The following KLF13 variants were observed in gnomAD, a reference collection of about 807,000 sequenced individuals.
KLF13 encodes the protein KLF transcription factor 13, also known as Krueppel-like factor 13.
KLF13 carries 8 observed loss-of-function variants against 16.7 expected under a neutral mutation model. The ratio of observed to expected loss-of-function variants is 0.48; its 90% CI spans 0.28 to 0.87. The LOEUF (loss-of-function observed/expected upper bound fraction) is 0.87. Among genes scored for constraint, KLF13 ranks in the 40% least tolerant of loss-of-function variants. The pLI, the probability that KLF13 is intolerant of heterozygous loss-of-function variation, is 0.10. For synonymous variants in KLF13, 245 were observed against 208.4 expected (o/e 1.18, Z -1.51); for missense variants, 447 against 452.2 (o/e 0.99, Z 0.10).
At chr15:31,350,850 G>C (rs2039204885) in intron 1 of KLF13, among the ~76,000 whole-genome samples, 1 of 152,276 alleles carries the variant, frequency 6.6e-6, no homozygotes, top group African/African-American at 2.4e-5. Flanking sequence ...TGCAGGCCTG[G>C]CACTCTTCGC....
rs1323283535 is a variant in KLF13 at position 31,372,447 on chromosome 15, A to G, written c.*148A>G. Reference sequence around the variant, plus strand: ...CAGGTGTCAAAGTAAATTTGTTAAAAAAACAAAAAAAACACAAAAATTTCA... The same window carrying G: ...CAGGTGTCAAAGTAAATTTGTTAAAGAAACAAAAAAAACACAAAAATTTCA... On this transcript the variant is annotated 3_prime_UTR_variant, in exon 2 of 2. Coordinates refer to ENST00000307145, the MANE Select transcript of KLF13 (RefSeq NM_015995.4). 1 of 881,704 alleles carries G rather than the reference A, an allele frequency of 1.1e-6. No homozygotes were observed. The highest frequency in any genetic ancestry group is 3.5e-5 in the Admixed American group (1 of 28,248). 54.6% of individuals were successfully genotyped at this position (881,704 alleles called of 1,614,324 possible).
In KLF13 at chr15:31,423,139, G is replaced by GTATATATACGTATA. The variant is rs1491468052; in HGVS notation, n.118-12227_118-12226insTATACGTATATATA. Among the ~76,000 whole-genome samples, 49 of 15,158 alleles carry GTATATATACGTATA rather than the reference G, an allele frequency of 3.2e-3. 4 individuals carry two copies. The highest frequency in any genetic ancestry group is 6.4e-3 in the African/African-American group (7 of 1,102). The allele number at this position is 15,158 out of a possible 152,430, so 9.9% of individuals were successfully genotyped here. A position where few individuals can be genotyped will look rare whatever the true frequency, so the allele number is the denominator to read the frequency against. ...TATATATACGTATATATACGTATAC[G>GTATATATACGTATA]TATACGTATATATACGTATATATAT... On this transcript the variant is annotated intron_variant and non_coding_transcript_variant, in intron 1 of 1. Coordinates refer to the KLF13 transcript ENST00000558225.
chr15:31,423,095 ATATACG>A lies in KLF13; in HGVS notation n.118-12258_118-12253del, dbSNP rs1346095011. ...ATAACAATTACATATATATACGTATATATACGTATACGTATACGTATATATACGTAT... is the reference window on the plus strand; with the variant it reads ...ATAACAATTACATATATATACGTATATATACGTATACGTATATATACGTAT... On this transcript the variant is annotated intron_variant and non_coding_transcript_variant, in intron 1 of 1. Coordinates refer to the KLF13 transcript ENST00000558225. 5.7e-5 allele frequency among the ~76,000 whole-genome samples: 8 copies of A among 139,410 alleles called. 2 individuals carry two copies. Among genetic ancestry groups the A allele is most frequent in the Admixed American group, 1.4e-4 (2 of 13,846 alleles). 91.5% of individuals were successfully genotyped at this position (139,410 alleles called of 152,430 possible). A position where few individuals can be genotyped will look rare whatever the true frequency, so the allele number is the denominator to read the frequency against.
chr15:31,369,001 CTTGAT>C (rs1383164444), intron 1 of KLF13, among the ~76,000 whole-genome samples: 22 of 152,222 alleles, frequency 1.4e-4, no homozygotes, highest in South Asian at 6.2e-4. Context: ...ACTGCTGTTT[CTTGAT>C]TTATCAAATT....
Position 31,327,118 on chromosome 15 carries a change from G to T in KLF13, c.-95G>T. ...CCAGCCCGAGGAGAGGGCGCGCCGCGCCCCCGCCCCCCGCCCGCTCTCCCG... is the reference window on the plus strand; with the variant it reads ...CCAGCCCGAGGAGAGGGCGCGCCGCTCCCCCGCCCCCCGCCCGCTCTCCCG... On this transcript the variant is annotated 5_prime_UTR_variant, in exon 1 of 2. Transcript: ENST00000307145. 1 of 675,644 alleles carries T rather than the reference G, an allele frequency of 1.5e-6. No individual in the cohort carries two copies. Among genetic ancestry groups the T allele is most frequent in the Non-Finnish European group, 1.9e-6 (1 of 535,836 alleles). 41.9% of individuals were successfully genotyped at this position (675,644 alleles called of 1,614,324 possible). A position where few individuals can be genotyped will look rare whatever the true frequency, so the allele number is the denominator to read the frequency against.
At chr15:31,360,944 C>T (rs898928584) in intron 1 of KLF13, among the ~76,000 whole-genome samples, 5 of 152,148 alleles carry the variant, frequency 3.3e-5, no homozygotes, top group East Asian at 1.9e-4. Flanking sequence ...AGGAGCCTGC[C>T]GAGGCTCCTC....
chr15:31,367,934 A>G (rs1458389905), intron 1 of KLF13, among the ~76,000 whole-genome samples: 1 of 152,184 alleles, frequency 6.6e-6, no homozygotes, highest in Non-Finnish European at 1.5e-5. Context: ...CCAGAAATCA[A>G]GGTGTTGGCA....
At chr15:31,421,255 A>T (rs1320666181) in intron 1 of KLF13, among the ~76,000 whole-genome samples, 5 of 152,228 alleles carry the variant, frequency 3.3e-5, no homozygotes, top group Non-Finnish European at 7.3e-5. Flanking sequence ...TACCTTACAA[A>T]AAAATGCTAA....
chr15:31,350,593 C>A (rs2039201219), intron 1 of KLF13, among the ~76,000 whole-genome samples: 2 of 152,252 alleles, frequency 1.3e-5, no homozygotes, highest in South Asian at 4.1e-4. Flanking sequence ...CCTGTTCCAT[C>A]CACTGGGTAT....
intron 1 of KLF13, among the ~76,000 whole-genome samples, chr15:31,359,799 C>G (rs1007469237): frequency 1.3e-5 from 2 of 152,224 alleles, no homozygotes; most frequent in Non-Finnish European, 2.9e-5. Flanking sequence ...GAAGAACATT[C>G]GAGAGAGACA....
rs558526633 is a variant in KLF13 at position 31,346,254 on chromosome 15, G to A, written c.577+18465G>A. Among the ~76,000 whole-genome samples the A allele has an allele frequency of 6.6e-5, 10 of 152,234 alleles. No homozygotes were observed. In the South Asian group the frequency reaches 1.7e-3, roughly 25 times the overall value. On this transcript the variant is annotated intron_variant, in intron 1 of 1. Transcript: ENST00000307145. The stretch of plus-strand genomic sequence containing the variant: ...TCTGAAACTCACAGCCTTCTCCCCC[G>A]ACCTCCTGTCCTCTGCTTTTCTCTG...
At chr15:31,393,757 A>G (rs1204585981) in intron 2 of KLF13, 2 of 152,278 alleles carry the variant, frequency 1.3e-5, no homozygotes, top group Non-Finnish European at 2.9e-5. Flanking sequence ...CATCGTTCTG[A>G]GTGCTGGACC....
At chr15:31,337,517 G>C (rs1021658216) in intron 1 of KLF13, among the ~76,000 whole-genome samples, 9 of 152,166 alleles carry the variant, frequency 5.9e-5, no homozygotes, top group African/African-American at 2.2e-4. Flanking sequence ...GTTCTGAGAA[G>C]TGTGTTGTTA....
intron 1 of KLF13, among the ~76,000 whole-genome samples, chr15:31,348,387 G>A (rs543823709): frequency 2.6e-5 from 4 of 152,290 alleles, no homozygotes; most frequent in South Asian, 2.1e-4. Context: ...CACGCACGCC[G>A]CACCACATGC....
chr15:31,335,517 C>T (rs1201971689), intron 1 of KLF13, among the ~76,000 whole-genome samples: 1 of 151,332 alleles, frequency 6.6e-6, no homozygotes, highest in African/African-American at 2.4e-5. Context: ...CACAGCATGG[C>T]ACCGAGCACC....
chr15:31,406,677 A>G (rs564749316), downstream of KLF13, among the ~76,000 whole-genome samples: 71 of 152,364 alleles, frequency 4.7e-4, no homozygotes, highest in Admixed American at 4.1e-3. Context: ...AGGTGTCAGC[A>G]GGACTGCATT....
rs1225599097 is a variant in KLF13 at position 31,327,569 on chromosome 15, C to T, written c.357C>T (p.Ser119=). The part of the protein sequence containing the change: ...GAEGAAAAPP[S]PAWSEPEPEA... ...AAGGCGCGGCGGCCGCGCCCCCCAG[C>T]CCGGCGTGGAGCGAGCCGGAGCCCG... The change falls in exon 1 of 2, where the codon AGC becomes AGT. Residue 119 remains serine, a synonymous_variant. Transcript: ENST00000307145. 6.1e-6 allele frequency: 7 copies of T among 1,152,912 alleles called. No individual in the cohort carries two copies. The highest frequency in any genetic ancestry group is 4.1e-5 in the East Asian group (1 of 24,284). The allele number at this position is 1,152,912 out of a possible 1,614,324, so 71.4% of individuals were successfully genotyped here.
intron 1 of KLF13, among the ~76,000 whole-genome samples, chr15:31,352,094 AAG>A (rs2039226022): frequency 6.6e-6 from 1 of 152,040 alleles, no homozygotes. Flanking sequence ...ACAACAAAAA[AAG>A]GGTTTTGCAG....
intron 1 of KLF13, among the ~76,000 whole-genome samples, chr15:31,425,058 A>T (rs1195083627): frequency 6.6e-6 from 1 of 152,172 alleles, no homozygotes; most frequent in African/African-American, 2.4e-5. Context: ...AAAATAATAT[A>T]CTCAGGAATA....
Sources: allele counts gnomAD v4.1 joint callset (sites outside exome capture counted in the v4.1 genomes callset), GRCh38; gene constraint gnomAD v4.1.1; transcripts MANE v1.5; gene names NCBI Gene and HGNC (gene_info 2026-07-23, HGNC 2026-07-21).